DCP1B: variants seen among roughly 807,000 people sequenced by gnomAD.
DCP1B encodes decapping mRNA 1B, also known as mRNA-decapping enzyme 1B.
Under a neutral mutation model 60.5 loss-of-function variants are expected in DCP1B, and 47 were observed. The ratio of observed to expected loss-of-function variants is 0.78; its 90% CI spans 0.61 to 0.99. The LOEUF is 0.99. DCP1B is among the 50% of genes least tolerant of loss of function. DCP1B has a pLI of 0.00. For synonymous variants in DCP1B, 267 were observed against 280.3 expected (o/e 0.95, Z 0.47); for missense variants, 725 against 756.8 (o/e 0.96, Z 0.49).
chr12:1,952,682 G>C lies in DCP1B; in HGVS notation c.1258C>G (p.Gln420Glu). The C allele has an allele frequency of 6.2e-7, 1 of 1,614,192 alleles. No homozygotes were observed. ...GTGGACTGTTCTCTTCCATGAGCCTGATGTCCTACTGTCTGAGGTGGAAGG... is the reference window on the plus strand; with the variant it reads ...GTGGACTGTTCTCTTCCATGAGCCTCATGTCCTACTGTCTGAGGTGGAAGG... ...GSLPPQTVGH[Q>E]AHGREQSTLP... is the part of the protein sequence containing the mutation. The change falls in exon 7 of 9, where the codon CAG becomes GAG. Residue 420 changes from glutamine (Q) to glutamate (E), a missense_variant. Physicochemically the swap from Gln to Glu is conservative, Grantham distance 29. Transcript: ENST00000280665.
intron 3 of DCP1B, among the ~76,000 whole-genome samples, chr12:1,984,219 C>T (rs2036980047): frequency 6.6e-6 from 1 of 152,062 alleles, no homozygotes; most frequent in African/African-American, 2.4e-5. Flanking sequence ...AGCCCATTTA[C>T]ATGTAACGTA....
At chr12:1,994,352 C>A (rs2154475373) in intron 2 of DCP1B, among the ~76,000 whole-genome samples, 1 of 152,324 alleles carries the variant, frequency 6.6e-6, no homozygotes, top group South Asian at 2.1e-4. Flanking sequence ...TTGTTTATGT[C>A]TTAGTTTTAT....
intron 3 of DCP1B, 101 bp downstream of exon 3, chr12:1,993,163 C>T (rs2039900329): frequency 1.3e-6 from 2 of 1,502,602 alleles, no homozygotes; most frequent in Admixed American, 1.7e-5. Flanking sequence ...CCCCCATAGC[C>T]ACTGATACCA....
intron 7 of DCP1B, among the ~76,000 whole-genome samples, chr12:1,950,975 A>G (rs1303097236): frequency 6.6e-6 from 1 of 152,170 alleles, no homozygotes; most frequent in African/African-American, 2.4e-5. Context: ...AGAAACTGTT[A>G]TAAGTTACAT....
intron 2 of DCP1B, among the ~76,000 whole-genome samples, chr12:1,996,990 C>T (rs955852659): frequency 6.6e-6 from 1 of 152,062 alleles, no homozygotes; most frequent in African/African-American, 2.4e-5. Context: ...AAGGTGATGA[C>T]CTTTGGCTAT....
At chr12:1,996,643 A>C (rs1034492519) in intron 2 of DCP1B, among the ~76,000 whole-genome samples, 11 of 103,190 alleles carry the variant, frequency 1.1e-4, no homozygotes, top group African/African-American at 3.2e-4. Flanking sequence ...AAAAAAAAAA[A>C]AAAAAAAAAA....
intron 5 of DCP1B, among the ~76,000 whole-genome samples, chr12:1,960,793 C>T (rs2031094329): frequency 6.6e-6 from 1 of 152,102 alleles, no homozygotes; most frequent in Admixed American, 6.5e-5. Context: ...ATCACATCAC[C>T]AATATGTAAC....
At chr12:1,975,018 A>G (rs1451254822) in intron 3 of DCP1B, among the ~76,000 whole-genome samples, 1 of 152,168 alleles carries the variant, frequency 6.6e-6, no homozygotes, top group East Asian at 1.9e-4. Flanking sequence ...TGCTGAAAAT[A>G]GCCTAACTAT....
In DCP1B at chr12:1,971,397, C is replaced by T. The variant is rs1416395706; in HGVS notation, c.320-3487G>A. ...TGGTTTATGCCGTTCTTTGGAAATT[C>T]TCAATTGAAAAAAAGTGATGTTTGA... On this transcript the variant is annotated intron_variant, in intron 3 of 8. Coordinates refer to ENST00000280665, the MANE Select transcript of DCP1B (RefSeq NM_152640.5). This position sits in a 1 kb window ranked among gnomAD's most constrained non-coding sequence, Gnocchi z 4.2. Among the ~76,000 whole-genome samples, 1 of 152,098 alleles carries T rather than the reference C, an allele frequency of 6.6e-6. No homozygotes were observed. Among genetic ancestry groups the T allele is most frequent in the African/African-American group, 2.4e-5 (1 of 41,430 alleles).
At chr12:1,975,130 T>A (rs1285375787) in intron 3 of DCP1B, among the ~76,000 whole-genome samples, 9 of 152,150 alleles carry the variant, frequency 5.9e-5, no homozygotes, top group Admixed American at 5.9e-4. Flanking sequence ...CAGAGTTTCT[T>A]TATTTTTTCA....
At chr12:1,945,291 AGGATGT>A (rs1212974435), downstream of DCP1B, among the ~76,000 whole-genome samples, 1 of 152,212 alleles carries the variant, frequency 6.6e-6, no homozygotes, top group African/African-American at 2.4e-5. Flanking sequence ...GATGCTGGAG[AGGATGT>A]GGAGAAACAG....
intron 3 of DCP1B, among the ~76,000 whole-genome samples, chr12:1,977,402 G>C (rs1415707871): frequency 2.0e-5 from 3 of 152,142 alleles, no homozygotes. Flanking sequence ...TGTGACTCCT[G>C]CTTGATCACT....
chr12:1,990,364 T>C (rs2039044841), intron 3 of DCP1B, among the ~76,000 whole-genome samples: 1 of 152,242 alleles, frequency 6.6e-6, no homozygotes, highest in Admixed American at 6.5e-5. Context: ...ATTTTAACAA[T>C]GTTTAAACCC....
intron 5 of DCP1B, among the ~76,000 whole-genome samples, chr12:1,959,342 A>G (rs753964115): frequency 7.2e-5 from 11 of 152,248 alleles, no homozygotes; most frequent in Non-Finnish European, 1.5e-4. Flanking sequence ...ATACGATAAG[A>G]GATTCATGTC....
chr12:1,967,619 G>GA (rs1458986813), intron 4 of DCP1B, among the ~76,000 whole-genome samples: 2 of 152,110 alleles, frequency 1.3e-5, no homozygotes, highest in East Asian at 3.9e-4. Context: ...TCACACACAG[G>GA]AAAAAATGAA....
chr12:1,985,996 G>T (rs1225317344), intron 3 of DCP1B, among the ~76,000 whole-genome samples: 1 of 152,010 alleles, frequency 6.6e-6, no homozygotes, highest in Non-Finnish European at 1.5e-5. Context: ...TGTATTTTTA[G>T]TAGAGATGGA....
At chr12:1,998,247 C>T (rs1356747131) in intron 1 of DCP1B, among the ~76,000 whole-genome samples, 1 of 152,186 alleles carries the variant, frequency 6.6e-6, no homozygotes, top group African/African-American at 2.4e-5. Flanking sequence ...GCAGCATACC[C>T]TTAGCTGAAA....
Position 1,971,045 on chromosome 12 carries a change from T to C in DCP1B, c.320-3135A>G, listed in dbSNP as rs1450705386. ...AGCTTTAAAAATCAACCAATTAATA[T>C]ACATCTGGAAATTCACAATGCTTCG... On this transcript the variant is annotated intron_variant, in intron 3 of 8. Transcript: ENST00000280665. This position sits in a 1 kb window ranked among gnomAD's most constrained non-coding sequence, Gnocchi z 4.2. The C allele has an allele frequency of 7.8e-7, 1 of 1,279,046 alleles. No homozygotes were observed. The highest frequency in any genetic ancestry group is 1.5e-5 in the African/African-American group (1 of 65,364). The allele number at this position is 1,279,046 out of a possible 1,614,324, so 79.2% of individuals were successfully genotyped here.
At chr12:1,945,301 GA>G (rs2030381114), downstream of DCP1B, among the ~76,000 whole-genome samples, 1 of 152,224 alleles carries the variant, frequency 6.6e-6, no homozygotes, top group African/African-American at 2.4e-5. Flanking sequence ...AGGATGTGGA[GA>G]AACAGGAACG....
Sources: allele counts gnomAD v4.1 joint callset (sites outside exome capture counted in the v4.1 genomes callset), GRCh38; gene constraint gnomAD v4.1.1; non-coding constraint Gnocchi (gnomAD v3.1); transcripts MANE v1.5; gene names NCBI Gene and HGNC (gene_info 2026-07-23, HGNC 2026-07-21).